Variants in AHCTF1 observed in about 807,000 individuals in gnomAD.
The protein encoded by AHCTF1 is AT-hook containing transcription factor 1.
Under a neutral mutation model 248.4 loss-of-function variants are expected in AHCTF1, and 24 were observed. The ratio of observed to expected loss-of-function variants is 0.10; its 90% CI spans 0.07 to 0.14. The LOEUF (loss-of-function observed/expected upper bound fraction) is 0.14, where lower values mean the gene tolerates loss of function less well. Among genes scored for constraint, AHCTF1 ranks in the 10% least tolerant of loss-of-function variants. The pLI is 1.00. For synonymous variants in AHCTF1, 786 were observed against 929.8 expected (o/e 0.85, Z 2.81); for missense variants, 2,206 against 2,636.2 (o/e 0.84, Z 3.57).
intron 10 of AHCTF1, 48 bp from the exon 11 acceptor site, chr1:246,899,560 G>T (rs762258506): frequency 2.7e-6 from 4 of 1,457,176 alleles, no homozygotes; most frequent in Non-Finnish European, 3.8e-6. Flanking sequence ...ATTTAAAATG[G>T]CATTAATAGA....
intron 24 of AHCTF1, among the ~76,000 whole-genome samples, chr1:246,868,964 CCTG>C (rs1190203505): frequency 6.6e-6 from 1 of 150,700 alleles, no homozygotes; most frequent in Non-Finnish European, 1.5e-5. Context: ...CCTGCCTCAG[CCTG>C]CTGAGTAGCT....
At chr1:246,931,208 G>C (rs1379562953) in intron 1 of AHCTF1, 1 of 1,550,314 alleles carries the variant, frequency 6.5e-7, no homozygotes, top group African/African-American at 1.4e-5. Context: ...CTCGGGGAAA[G>C]GCCCGCCAAC....
chr1:246,868,945 C>A (rs12409091), intron 24 of AHCTF1, among the ~76,000 whole-genome samples: 22 of 150,178 alleles, frequency 1.5e-4, no homozygotes, highest in South Asian at 4.2e-4. Context: ...CCCGGGTTCA[C>A]GCCATTCTCC....
chr1:246,844,940 A>C (rs1660142011), intron 33 of AHCTF1, among the ~76,000 whole-genome samples: 1 of 152,156 alleles, frequency 6.6e-6, no homozygotes, highest in African/African-American at 2.4e-5. Flanking sequence ...GACCAGAATC[A>C]AGTAACTTAA....
At chr1:246,913,739 A>C (rs1243448550) in intron 3 of AHCTF1, among the ~76,000 whole-genome samples, 1 of 152,210 alleles carries the variant, frequency 6.6e-6, no homozygotes, top group Non-Finnish European at 1.5e-5. Flanking sequence ...ACTTCTCTTT[A>C]AAGATGAAAT....
intron 21 of AHCTF1, among the ~76,000 whole-genome samples, chr1:246,878,283 G>A (rs1663124268): frequency 6.7e-6 from 1 of 149,360 alleles, no homozygotes; most frequent in South Asian, 2.1e-4. Flanking sequence ...TGTAGTCCCA[G>A]CTATTCAGTA....
chr1:246,883,383 G>C, intron 21 of AHCTF1, among the ~76,000 whole-genome samples: 1 of 152,202 alleles, frequency 6.6e-6, no homozygotes, highest in East Asian at 1.9e-4. Context: ...GATTATGTAT[G>C]ACCGCAGGAG....
intron 7 of AHCTF1, 94 bp from the exon 8 acceptor site, chr1:246,902,769 A>G (rs1218178900): frequency 9.7e-6 from 12 of 1,233,580 alleles, no homozygotes; most frequent in Non-Finnish European, 1.3e-5. Context: ...TTGTTCACAC[A>G]ATACAAAGAA....
chr1:246,843,739 GTA>G (rs1491525768), intron 34 of AHCTF1, 54 bp downstream of exon 34: 1 of 1,033,464 alleles, frequency 9.7e-7, no homozygotes, highest in African/African-American at 3.7e-5. Context: ...TAAAACATTT[GTA>G]AAAAAAAAAA....
At chr1:246,873,961 C>T (rs187596244) in intron 24 of AHCTF1, among the ~76,000 whole-genome samples, 8 of 152,326 alleles carry the variant, frequency 5.3e-5, no homozygotes, top group African/African-American at 1.2e-4. Context: ...AGACTTACTA[C>T]GCTGACATAA....
chr1:246,866,151 T>C (rs951016064), intron 26 of AHCTF1, among the ~76,000 whole-genome samples: 1 of 152,186 alleles, frequency 6.6e-6, no homozygotes, highest in Non-Finnish European at 1.5e-5. Flanking sequence ...AGGTAAATAT[T>C]CAAAACTCAA....
At chr1:246,869,124 T>G (rs553168577) in intron 24 of AHCTF1, among the ~76,000 whole-genome samples, 2 of 152,020 alleles carry the variant, frequency 1.3e-5, no homozygotes, top group Non-Finnish European at 1.5e-5. Context: ...ATTACAGGCG[T>G]GAGCCACCAC....
chr1:246,846,286 G>GCATC (rs1558205869), intron 33 of AHCTF1, among the ~76,000 whole-genome samples: 1 of 151,644 alleles, frequency 6.6e-6, no homozygotes, highest in East Asian at 1.9e-4. Context: ...CTCGGCACCT[G>GCATC]CATCCCTATG....
intron 24 of AHCTF1, among the ~76,000 whole-genome samples, chr1:246,868,990 G>C (rs375715157): frequency 1.3e-5 from 2 of 149,342 alleles, no homozygotes; most frequent in Non-Finnish European, 3.0e-5. Flanking sequence ...GACTACAGGC[G>C]CCCGCCACCA....
intron 35 of AHCTF1, among the ~76,000 whole-genome samples, chr1:246,841,568 T>A (rs1659867613): frequency 6.6e-6 from 1 of 152,214 alleles, no homozygotes; most frequent in Non-Finnish European, 1.5e-5. Flanking sequence ...AACAAATACA[T>A]CTGAAATGGA....
chr1:246,897,503 G>A (rs1664668887), intron 12 of AHCTF1, among the ~76,000 whole-genome samples: 1 of 152,118 alleles, frequency 6.6e-6, no homozygotes, highest in Non-Finnish European at 1.5e-5. Context: ...TTTCATTGTT[G>A]TGCAATCATG....
At chr1:246,897,807 C>G (rs568105801) in intron 12 of AHCTF1, among the ~76,000 whole-genome samples, 1 of 152,026 alleles carries the variant, frequency 6.6e-6, no homozygotes, top group African/African-American at 2.4e-5. Flanking sequence ...ATAGCGAGAC[C>G]CTGTCTCTAC....
chr1:246,853,273 C>T lies in AHCTF1; in HGVS notation c.4381G>A (p.Gly1461Arg). The T allele has an allele frequency of 1.9e-6, 3 of 1,613,202 alleles. No individual in the cohort carries two copies. In the South Asian group the frequency reaches 3.3e-5, roughly 18 times the overall value. Residue 1461 changes from glycine to arginine, a missense_variant, in exon 32 of 36, where the codon GGA (glycine) becomes AGA (arginine). By Grantham distance (125) the Gly-to-Arg change is moderately radical (BLOSUM62 -2). This residue lies in a region of AHCTF1 where 955 missense variants were observed against 1,055.6 expected (regional missense o/e 0.90). Coordinates refer to ENST00000648844, the MANE Select transcript of AHCTF1 (RefSeq NM_001323342.2). ...TCAGAGATAGTGAGCGAGGAGTTTC[C>T]ACCATCACCAAGGACATCAGCCATA... ...KSMADVLGDG[G>R]NSSLTISEGP...
At chr1:246,889,413 T>C (rs757513653) in intron 17 of AHCTF1, among the ~76,000 whole-genome samples, 6 of 152,184 alleles carry the variant, frequency 3.9e-5, no homozygotes, top group Non-Finnish European at 5.9e-5. Flanking sequence ...CTTTATAACT[T>C]ATATAACAAG....
Sources: gnomAD v4.1 joint callset for allele counts (sites outside exome capture counted in the v4.1 genomes callset) on GRCh38, gnomAD v4.1.1 for gene constraint, gnomAD v4.1.1 regional missense constraint, MANE v1.5 for transcripts, NCBI Gene and HGNC (gene_info 2026-07-23, HGNC 2026-07-21) for gene names.